Variants in FARSB observed in about 807,000 individuals in gnomAD.
FARSB encodes the protein phenylalanine--tRNA ligase beta subunit.
A neutral mutation model predicts 69.6 loss-of-function variants in FARSB; 40 were observed. The ratio of observed to expected loss-of-function variants is 0.57; its 90% confidence interval spans 0.45 to 0.75. The LOEUF is 0.75. Among genes scored for constraint, FARSB ranks in the 30% least tolerant of loss-of-function variants. FARSB has a pLI of 0.00. For synonymous variants in FARSB, 235 were observed against 247.2 expected (o/e 0.95, Z 0.46); for missense variants, 632 against 722.9 (o/e 0.87, Z 1.44).
chr2:222,589,564 G>C (rs1008060542), intron 16 of FARSB, among the ~76,000 whole-genome samples: 6 of 149,766 alleles, frequency 4.0e-5, no homozygotes, highest in Admixed American at 2.0e-4. Flanking sequence ...ACTACCATCA[G>C]AGTGAACAGG....
At chr2:222,630,269 C>T (rs1385485733) in intron 8 of FARSB, 95 bp from the exon 9 acceptor site, 1 of 639,492 alleles carries the variant, frequency 1.6e-6, no homozygotes, top group Non-Finnish European at 2.6e-6. Context: ...TGTGTCCTCA[C>T]ATCTAATGGA....
chr2:222,656,006 C>A lies in FARSB; in HGVS notation c.58+10G>T, dbSNP rs1236957431. The A allele has an allele frequency of 1.9e-6, 3 of 1,591,344 alleles. No homozygotes were observed. Among genetic ancestry groups the A allele is most frequent in the African/African-American group, 2.7e-5 (2 of 74,306 alleles). On this transcript the variant is annotated intron_variant, in intron 1 of 16. Coordinates refer to ENST00000281828, the MANE Select transcript of FARSB (RefSeq NM_005687.5). ...AGGCGTAGGGCCCAACGTATAGGGC[C>A]GCCACTCACTGTAGGTGCGGCCCAG...
In FARSB at chr2:222,570,075, C is replaced by T. The variant is rs1574903044; in HGVS notation, c.*1796G>A. On this transcript the variant is annotated 3_prime_UTR_variant, in exon 17 of 17. Transcript: ENST00000281828. The stretch of plus-strand genomic sequence containing the variant: ...TGATTTATGAATCTTAAATTTTAGC[C>T]ATTTTAATGGGTATGCAGTTTGTCA... Among the ~76,000 whole-genome samples, 1 of 152,132 alleles carries T rather than the reference C, an allele frequency of 6.6e-6. No homozygotes were observed.
chr2:222,646,908 T>G (rs1691879834), intron 2 of FARSB, among the ~76,000 whole-genome samples: 1 of 152,204 alleles, frequency 6.6e-6, no homozygotes, highest in Non-Finnish European at 1.5e-5. Flanking sequence ...TTTTTCCTGA[T>G]AGGAGGCAGC....
At chr2:222,584,859 G>A (rs989466410) in intron 16 of FARSB, among the ~76,000 whole-genome samples, 21 of 152,226 alleles carry the variant, frequency 1.4e-4, no homozygotes, top group Admixed American at 1.4e-3. Context: ...AAACTGCGTG[G>A]AGCCCACCTC....
At chr2:222,612,636 C>T (rs1017505586) in intron 15 of FARSB, among the ~76,000 whole-genome samples, 3 of 152,214 alleles carry the variant, frequency 2.0e-5, no homozygotes, top group Admixed American at 6.5e-5. Context: ...GAGTAAGCAT[C>T]GCTGCATAAA....
chr2:222,602,365 GA>G (rs1169893038), intron 15 of FARSB, among the ~76,000 whole-genome samples: 4 of 151,578 alleles, frequency 2.6e-5, no homozygotes, highest in South Asian at 2.1e-4. Flanking sequence ...CAATAGAATT[GA>G]AAAAAATTAC....
chr2:222,592,591 A>T (rs1690303096), intron 16 of FARSB, among the ~76,000 whole-genome samples: 1 of 151,672 alleles, frequency 6.6e-6, no homozygotes, highest in Non-Finnish European at 1.5e-5. Context: ...CCCTTGAAAG[A>T]TCACAAGCTA....
At chr2:222,629,114 G>A (rs1691352455) in intron 9 of FARSB, among the ~76,000 whole-genome samples, 1 of 151,984 alleles carries the variant, frequency 6.6e-6, no homozygotes, top group African/African-American at 2.4e-5. Flanking sequence ...CTACTTGAAA[G>A]GTTTATTTTC....
chr2:222,608,101 T>G (rs1354934685), intron 15 of FARSB, among the ~76,000 whole-genome samples: 15 of 152,222 alleles, frequency 9.9e-5, no homozygotes, highest in Non-Finnish European at 1.5e-4. Context: ...GATGCCATCA[T>G]GTATGCAAAT....
In FARSB at chr2:222,624,403, T is replaced by A. The variant is rs1252307287; in HGVS notation, c.1039A>T (p.Ile347Phe). Residue 347 changes from isoleucine to phenylalanine, a missense_variant, in exon 12 of 17, where the codon ATT (isoleucine) becomes TTT (phenylalanine). Coordinates refer to ENST00000281828, the MANE Select transcript of FARSB (RefSeq NM_005687.5). ...CTGGTTGGAGGGATTTCAATCTCAA[T>A]CTGATTCCCATCACCTATGACTTCT... ...KSEVIGDGNQIEIEIPPTRAD... is the reference protein window; with the variant it reads ...KSEVIGDGNQFEIEIPPTRAD... 1 of 1,612,412 alleles carries A rather than the reference T, an allele frequency of 6.2e-7. No homozygotes were observed. Among genetic ancestry groups the A allele is most frequent in the Non-Finnish European group, 8.5e-7 (1 of 1,178,458 alleles).
intron 13 of FARSB, among the ~76,000 whole-genome samples, chr2:222,622,723 A>G (rs1691170524): frequency 6.6e-6 from 1 of 152,166 alleles, no homozygotes; most frequent in African/African-American, 2.4e-5. Flanking sequence ...TGATATAATG[A>G]GATCATGCAG....
intron 16 of FARSB, among the ~76,000 whole-genome samples, chr2:222,598,496 G>A (rs552052827): frequency 3.0e-4 from 45 of 152,140 alleles, no homozygotes; most frequent in Middle Eastern, 3.2e-3. Flanking sequence ...TGGACCTCAC[G>A]TTCAGGACGC....
Position 222,630,179 on chromosome 2 carries a change from AAAG to A in FARSB, c.787-8_787-6del. 2 of 1,438,582 alleles carry A rather than the reference AAAG, an allele frequency of 1.4e-6. No individual in the cohort carries two copies. The highest frequency in any genetic ancestry group is 1.9e-6 in the Non-Finnish European group (2 of 1,055,660). The allele number at this position is 1,438,582 out of a possible 1,614,324, so 89.1% of individuals were successfully genotyped here. On this transcript the variant is annotated splice_polypyrimidine_tract_variant and splice_region_variant and intron_variant, in intron 8 of 16. Transcript: ENST00000281828. ...AATATCAAGAACTATTTTTGCCTGC[AAAG>A]AAAAGAAAAACAAATATAGTAATCT...
In FARSB at chr2:222,569,589, C is replaced by T. The variant is rs1405348753; in HGVS notation, c.*2282G>A. The T allele has an allele frequency of 6.6e-6, 1 of 152,150 alleles. No individual in the cohort carries two copies. Among genetic ancestry groups the T allele is most frequent in the African/African-American group, 2.4e-5 (1 of 41,430 alleles). The allele number at this position is 152,150 out of a possible 1,614,324, so 9.4% of individuals were successfully genotyped here. On this transcript the variant is annotated 3_prime_UTR_variant, in exon 17 of 17. Coordinates refer to ENST00000281828, the MANE Select transcript of FARSB (RefSeq NM_005687.5). Reference sequence around the variant, plus strand: ...ACCTACACCTGAAGTACACCTACCACCTCAATTAAGATAAAATTTCCATCA... The same window carrying T: ...ACCTACACCTGAAGTACACCTACCATCTCAATTAAGATAAAATTTCCATCA...
At chr2:222,633,370 C>T in intron 6 of FARSB, 63 bp from the exon 7 acceptor site, 1 of 765,542 alleles carries the variant, frequency 1.3e-6, no homozygotes, top group Non-Finnish European at 2.2e-6. Flanking sequence ...CTATAGTTCA[C>T]ATACTGACCT....
Position 222,624,402 on chromosome 2 carries a change from A to G in FARSB, c.1040T>C (p.Ile347Thr). The G allele has an allele frequency of 6.2e-7, 1 of 1,612,308 alleles. No homozygotes were observed. ...KSEVIGDGNQ[I>T]EIEIPPTRAD... is the part of the protein sequence containing the mutation. ...TCTGGTTGGAGGGATTTCAATCTCAATCTGATTCCCATCACCTATGACTTC... is the reference window on the plus strand; with the variant it reads ...TCTGGTTGGAGGGATTTCAATCTCAGTCTGATTCCCATCACCTATGACTTC... Residue 347 changes from isoleucine to threonine, a missense_variant, in exon 12 of 17, where the codon ATT becomes ACT. Physicochemically the swap from Ile to Thr is moderately conservative, Grantham distance 89. Transcript: ENST00000281828.
intron 16 of FARSB, among the ~76,000 whole-genome samples, chr2:222,572,242 G>A (rs1689735713): frequency 6.6e-6 from 1 of 152,110 alleles, no homozygotes; most frequent in Non-Finnish European, 1.5e-5. Flanking sequence ...ATGAAAATAA[G>A]GGCCCTGTAT....
At chr2:222,624,517 T>C in intron 11 of FARSB, 38 bp from the exon 12 acceptor site, 3 of 1,375,974 alleles carry the variant, frequency 2.2e-6, no homozygotes, top group Middle Eastern at 1.8e-4. Flanking sequence ...CTTCATTGGA[T>C]TATTTTTTTA....
Sources: allele counts gnomAD v4.1 joint callset (sites outside exome capture counted in the v4.1 genomes callset), GRCh38; gene constraint gnomAD v4.1.1; transcripts MANE v1.5; gene names NCBI Gene and HGNC (gene_info 2026-07-23, HGNC 2026-07-21).